MAP3K20: variants seen among roughly 807,000 people sequenced by gnomAD.
MAP3K20 encodes the protein mitogen-activated protein kinase kinase kinase 20, also known as HCCS-4.
MAP3K20 carries 40 observed loss-of-function variants against 85.7 expected under a neutral mutation model. The observed-to-expected ratio is 0.47, with a 90% CI of 0.36 to 0.61. The LOEUF (loss-of-function observed/expected upper bound fraction) is 0.61, where lower values mean the gene tolerates loss of function less well. Among genes scored for constraint, MAP3K20 ranks in the 20% least tolerant of loss-of-function variants. The pLI, the probability that MAP3K20 is intolerant of heterozygous loss-of-function variation, is 0.00. For synonymous variants in MAP3K20, 325 were observed against 327.7 expected, an observed-to-expected ratio of 0.99 and a Z score of 0.09; for missense variants, 817 against 961.7, an observed-to-expected ratio of 0.85 and a Z score of 1.99.
At chr2:173,221,377 A>T (rs537215084) in intron 11 of MAP3K20, 9 of 1,614,162 alleles carry the variant, frequency 5.6e-6, no homozygotes, top group Non-Finnish European at 7.6e-6. Context: ...TAAACATGCA[A>T]GCCAAGCAGA....
At chr2:173,114,556 G>A (rs78421239) in intron 2 of MAP3K20, among the ~76,000 whole-genome samples, 2,590 of 152,064 alleles carry the variant, frequency 0.017, 70 homozygotes, top group African/African-American at 0.059. Flanking sequence ...GATTTGTTTC[G>A]AGATTTACAG....
intron 7 of MAP3K20, among the ~76,000 whole-genome samples, chr2:173,192,168 G>A (rs1227353390): frequency 6.6e-6 from 1 of 152,130 alleles, no homozygotes; most frequent in African/African-American, 2.4e-5. Context: ...GCCTGTTTTA[G>A]GTCCAAATCA....
intron 2 of MAP3K20, among the ~76,000 whole-genome samples, chr2:173,094,561 A>G (rs1381249837): frequency 6.6e-6 from 1 of 152,202 alleles, no homozygotes; most frequent in Non-Finnish European, 1.5e-5. Flanking sequence ...AGCCCGGCTT[A>G]ATCTGGAACA....
rs868143289 is a variant in MAP3K20 at position 173,256,510 on chromosome 2, T to C, written c.1360-2189T>C. On this transcript the variant is annotated intron_variant, in intron 16 of 19. Transcript: ENST00000375213. ...ATAGATAGATAGATAGATAGATAGATAGATAGATAGATAGATAGATAGACA... is the reference window on the plus strand; with the variant it reads ...ATAGATAGATAGATAGATAGATAGACAGATAGATAGATAGATAGATAGACA... Among the ~76,000 whole-genome samples the C allele has an allele frequency of 2.1e-3, 270 of 130,222 alleles. 5 individuals are homozygous for C. In the South Asian group the frequency reaches 0.061, roughly 30 times the overall value. The allele number at this position is 130,222 out of a possible 152,430, so 85.4% of individuals were successfully genotyped here.
At chr2:173,121,248 G>T (rs969695285) in intron 2 of MAP3K20, among the ~76,000 whole-genome samples, 1 of 152,178 alleles carries the variant, frequency 6.6e-6, no homozygotes, top group African/African-American at 2.4e-5. Flanking sequence ...CCATGCTTAT[G>T]AGCCCATTGC....
At chr2:173,153,307 C>T (rs1689359456) in intron 2 of MAP3K20, among the ~76,000 whole-genome samples, 1 of 152,140 alleles carries the variant, frequency 6.6e-6, no homozygotes, top group African/African-American at 2.4e-5. Flanking sequence ...CCGTGACTAC[C>T]TCTGAATACT....
intron 4 of MAP3K20, among the ~76,000 whole-genome samples, chr2:173,183,437 A>G (rs1690390576): frequency 6.6e-6 from 1 of 152,136 alleles, no homozygotes; most frequent in South Asian, 2.1e-4. Flanking sequence ...AGCAATTCAG[A>G]TTTTATTTTA....
intron 7 of MAP3K20, among the ~76,000 whole-genome samples, chr2:173,197,376 T>A (rs1394480429): frequency 6.6e-6 from 1 of 152,220 alleles, no homozygotes; most frequent in Non-Finnish European, 1.5e-5. Flanking sequence ...AGTCAGCTTA[T>A]ATGTATAGAA....
chr2:173,138,619 T>C (rs960882341), intron 2 of MAP3K20, among the ~76,000 whole-genome samples: 2 of 152,178 alleles, frequency 1.3e-5, no homozygotes, highest in Admixed American at 1.3e-4. Flanking sequence ...AGATAGGTGA[T>C]GTTCAGTAGC....
At chr2:173,173,170 G>C (rs1690052286) in intron 3 of MAP3K20, among the ~76,000 whole-genome samples, 1 of 128,794 alleles carries the variant, frequency 7.8e-6, no homozygotes, top group Non-Finnish European at 1.7e-5. Context: ...GTGTGTGTGT[G>C]TGTGTGTGTG....
chr2:173,134,387 T>TATA lies in MAP3K20; in HGVS notation c.160-35418_160-35417insATA, dbSNP rs1172400045. ...TAAATTGTGTGTGTGTGTGTGTGTC[T>TATA]CTATACATATATATATATATATATA... On this transcript the variant is annotated intron_variant, in intron 2 of 19. Coordinates refer to ENST00000375213, the MANE Select transcript of MAP3K20 (RefSeq NM_016653.3). 1.5e-3 allele frequency among the ~76,000 whole-genome samples: 110 copies of TATA among 74,446 alleles called. 1 individual carries two copies. The highest frequency in any genetic ancestry group is 5.3e-3 in the African/African-American group (107 of 20,294). 48.8% of individuals were successfully genotyped at this position (74,446 alleles called of 152,430 possible). A position where few individuals can be genotyped will look rare whatever the true frequency, so the allele number is the denominator to read the frequency against.
At chr2:173,134,003 A>AAC (rs1688697136) in intron 2 of MAP3K20, among the ~76,000 whole-genome samples, 1 of 150,512 alleles carries the variant, frequency 6.6e-6, no homozygotes. Flanking sequence ...AAAACAAAAA[A>AAC]CAAAAAACAA....
chr2:173,205,684 T>A (rs1238420673), intron 9 of MAP3K20, among the ~76,000 whole-genome samples: 1 of 152,234 alleles, frequency 6.6e-6, no homozygotes, highest in Non-Finnish European at 1.5e-5. Flanking sequence ...ACTCCTGGTC[T>A]TTAGACTTCC....
At chr2:173,084,068 T>G (rs1687080493) in intron 1 of MAP3K20, among the ~76,000 whole-genome samples, 1 of 152,176 alleles carries the variant, frequency 6.6e-6, no homozygotes, top group African/African-American at 2.4e-5. Context: ...TCTAGTAAAG[T>G]TAATCCTTTC....
At position 173,232,310 on chromosome 2, in the gene MAP3K20, C is replaced by T. The variant is rs1384911067; in HGVS notation, c.1064-10C>T. 1.2e-6 allele frequency: 2 copies of T among 1,614,214 alleles called. No homozygotes were observed. Among genetic ancestry groups the T allele is most frequent in the Admixed American group, 1.7e-5 (1 of 60,016 alleles). On this transcript the variant is annotated splice_polypyrimidine_tract_variant and intron_variant, in intron 13 of 19. Transcript: ENST00000375213. ...CTAATTTTATTCTGCTTTCTAATCA[C>T]TTCCTTCAGGTGACTCTTCAGCAGA...
At chr2:173,119,285 G>A (rs75539603) in intron 2 of MAP3K20, among the ~76,000 whole-genome samples, 1 of 152,194 alleles carries the variant, frequency 6.6e-6, no homozygotes, top group African/African-American at 2.4e-5. Context: ...TGACGATCTC[G>A]AGTGTGTCAT....
chr2:173,096,052 C>T (rs746185988), intron 2 of MAP3K20, among the ~76,000 whole-genome samples: 14 of 152,162 alleles, frequency 9.2e-5, no homozygotes, highest in Non-Finnish European at 1.5e-4. Context: ...TAAATACTTG[C>T]GTTATAAGAT....
chr2:173,215,052 C>A (rs1684029732), intron 10 of MAP3K20, among the ~76,000 whole-genome samples: 1 of 152,210 alleles, frequency 6.6e-6, no homozygotes, highest in Non-Finnish European at 1.5e-5. Flanking sequence ...AACTCTTGAT[C>A]TGTTTTCTGG....
intron 2 of MAP3K20, among the ~76,000 whole-genome samples, chr2:173,106,179 G>GT (rs1336794461): frequency 6.6e-6 from 1 of 152,110 alleles, no homozygotes; most frequent in African/African-American, 2.4e-5. Context: ...TAAATTTTTT[G>GT]TAGAAATTGA....
Sources: allele counts gnomAD v4.1 joint callset (sites outside exome capture counted in the v4.1 genomes callset), GRCh38; gene constraint gnomAD v4.1.1; transcripts MANE v1.5; gene names NCBI Gene and HGNC (gene_info 2026-07-23, HGNC 2026-07-21).